The following AGBL4 variants were observed in gnomAD, a reference collection of about 807,000 sequenced individuals.
AGBL4 encodes the protein cytosolic carboxypeptidase 6.
In AGBL4, 58 loss-of-function variants were observed where a neutral mutation model predicts 66.4. The observed-to-expected ratio is 0.87, with a 90% CI of 0.71 to 1.09. The LOEUF (loss-of-function observed/expected upper bound fraction) is 1.09, where lower values mean the gene tolerates loss of function less well. AGBL4 is among the 50% of genes least tolerant of loss of function. The pLI is 0.00. For synonymous variants in AGBL4, 234 were observed against 222.9 expected (o/e 1.05, Z -0.44); for missense variants, 579 against 631.0 (o/e 0.92, Z 0.88).
intron 3 of AGBL4, among the ~76,000 whole-genome samples, chr1:49,416,715 T>C (rs1645433443): frequency 6.6e-6 from 1 of 152,120 alleles, no homozygotes; most frequent in Non-Finnish European, 1.5e-5. Context: ...CATAAGTTTA[T>C]TGTAAGGATT....
chr1:49,058,575 T>C (rs1178468762), intron 4 of AGBL4, among the ~76,000 whole-genome samples: 1 of 152,182 alleles, frequency 6.6e-6, no homozygotes, highest in Non-Finnish European at 1.5e-5. Flanking sequence ...AAAGAACTAG[T>C]ATGGTAAATT....
intron 1 of AGBL4, among the ~76,000 whole-genome samples, chr1:49,921,243 T>TA (rs1240328105): frequency 2.0e-5 from 3 of 149,002 alleles, no homozygotes; most frequent in African/African-American, 2.5e-5. Context: ...GTATAACTTT[T>TA]AAAAAAAAGA....
chr1:49,542,698 G>A (rs767919204), intron 3 of AGBL4, among the ~76,000 whole-genome samples: 9 of 152,088 alleles, frequency 5.9e-5, no homozygotes, highest in Non-Finnish European at 1.0e-4. Flanking sequence ...AAGAGTTTGA[G>A]ACCAGCCTGG....
chr1:49,721,008 A>T (rs2124686301), intron 2 of AGBL4, among the ~76,000 whole-genome samples: 1 of 152,198 alleles, frequency 6.6e-6, no homozygotes. Context: ...GACTTGGAGA[A>T]CTTTTGTCTG....
chr1:49,942,815 A>G (rs1400505127), intron 1 of AGBL4, among the ~76,000 whole-genome samples: 1 of 152,182 alleles, frequency 6.6e-6, no homozygotes, highest in Non-Finnish European at 1.5e-5. Context: ...ACAAAAGCAA[A>G]AAATAGACAA....
chr1:49,908,917 T>G (rs150645481), intron 1 of AGBL4, among the ~76,000 whole-genome samples: 2 of 152,344 alleles, frequency 1.3e-5, no homozygotes, highest in African/African-American at 4.8e-5. Flanking sequence ...ACTCTTTTTA[T>G]CTTGTTACTG....
At chr1:49,709,785 T>G (rs1647500010) in intron 2 of AGBL4, among the ~76,000 whole-genome samples, 1 of 152,114 alleles carries the variant, frequency 6.6e-6, no homozygotes, top group Non-Finnish European at 1.5e-5. Flanking sequence ...GGCCGAAGGA[T>G]ATGAACAGAT....
At chr1:49,989,777 A>G (rs1013138248) in intron 1 of AGBL4, among the ~76,000 whole-genome samples, 1 of 152,196 alleles carries the variant, frequency 6.6e-6, no homozygotes, top group Non-Finnish European at 1.5e-5. Flanking sequence ...CTGCTCTACC[A>G]TGCTGAAATG....
chr1:49,444,220 T>A (rs1235188999), intron 3 of AGBL4, among the ~76,000 whole-genome samples: 1 of 152,044 alleles, frequency 6.6e-6, no homozygotes, highest in Non-Finnish European at 1.5e-5. Context: ...TTGAAAAAAA[T>A]AATGTATATT....
At chr1:49,374,184 A>G (rs1472040710) in intron 3 of AGBL4, 1 of 151,898 alleles carries the variant, frequency 6.6e-6, no homozygotes, top group African/African-American at 2.4e-5. Flanking sequence ...TTAATACTCT[A>G]TCACTTCAAA....
At chr1:49,152,244 C>T (rs1343454519) in intron 4 of AGBL4, among the ~76,000 whole-genome samples, 1 of 152,136 alleles carries the variant, frequency 6.6e-6, no homozygotes, top group East Asian at 1.9e-4. Flanking sequence ...CCACACAAAC[C>T]CTCCTTTCCC....
chr1:48,748,985 C>T (rs1031230494), intron 6 of AGBL4, among the ~76,000 whole-genome samples: 1 of 151,994 alleles, frequency 6.6e-6, no homozygotes, highest in Non-Finnish European at 1.5e-5. Context: ...GCCATACCCT[C>T]GGGGAATCTG....
chr1:48,827,589 C>G (rs1646454004), intron 6 of AGBL4, among the ~76,000 whole-genome samples: 1 of 152,174 alleles, frequency 6.6e-6, no homozygotes, highest in Admixed American at 6.5e-5. Context: ...CTGCCCCATG[C>G]AGTTATCAAC....
chr1:49,724,980 T>C (rs993483060), intron 2 of AGBL4, among the ~76,000 whole-genome samples: 2 of 138,280 alleles, frequency 1.4e-5, no homozygotes, highest in Admixed American at 1.5e-4. Context: ...AAAGAAGAAA[T>C]GAAGAAATGA....
chr1:49,261,682 A>G (rs1472142038), intron 3 of AGBL4, among the ~76,000 whole-genome samples: 32 of 151,858 alleles, frequency 2.1e-4, no homozygotes, highest in African/African-American at 7.0e-4. Flanking sequence ...ATGGAAGAAC[A>G]TTCCATGCTC....
At chr1:49,687,900 A>G (rs1248995656) in intron 3 of AGBL4, among the ~76,000 whole-genome samples, 2 of 152,226 alleles carry the variant, frequency 1.3e-5, no homozygotes, top group African/African-American at 4.8e-5. Context: ...CATATTGAAT[A>G]CAACACTTCC....
intron 3 of AGBL4, among the ~76,000 whole-genome samples, chr1:49,511,332 A>T (rs1211267299): frequency 6.6e-6 from 1 of 151,420 alleles, no homozygotes; most frequent in African/African-American, 2.4e-5. Context: ...GGAAATCATC[A>T]TTCTCAGTAA....
intron 4 of AGBL4, among the ~76,000 whole-genome samples, chr1:49,149,445 T>G (rs187408018): frequency 6.6e-6 from 1 of 152,160 alleles, no homozygotes; most frequent in Non-Finnish European, 1.5e-5. Context: ...TGGTGGTATG[T>G]GAAAGGCAGT....
intron 3 of AGBL4, among the ~76,000 whole-genome samples, chr1:49,632,270 G>A (rs1021705303): frequency 9.9e-5 from 15 of 152,134 alleles, no homozygotes; most frequent in African/African-American, 3.4e-4. Context: ...TAATTTCCTT[G>A]CTATGTTAAC....
Sources: allele counts gnomAD v4.1 joint callset (sites outside exome capture counted in the v4.1 genomes callset), GRCh38; gene constraint gnomAD v4.1.1; transcripts MANE v1.5; gene names NCBI Gene and HGNC (gene_info 2026-07-23, HGNC 2026-07-21).